STPG2: variants seen among roughly 807,000 people sequenced by gnomAD.
The protein encoded by STPG2 is sperm-tail PG-rich repeat-containing protein 2.
A neutral mutation model predicts 54.2 loss-of-function variants in STPG2; 56 were observed. That is an observed-to-expected ratio of 1.03 (90% CI 0.83 to 1.29). The LOEUF (loss-of-function observed/expected upper bound fraction) is 1.29. Ranked by LOEUF, STPG2 falls within the 50% of genes most tolerant of loss-of-function variation. STPG2 has a pLI of 0.00. For missense variants in STPG2, 596 were observed against 544.9 expected (o/e 1.09, Z -0.93); for synonymous variants, 200 against 181.8 (o/e 1.10, Z -0.81).
intron 9 of STPG2, among the ~76,000 whole-genome samples, chr4:97,837,450 A>G (rs1485133294): frequency 6.6e-6 from 1 of 151,728 alleles, no homozygotes; most frequent in East Asian, 1.9e-4. Context: ...GTGAGAGATA[A>G]AGTGATGCTT....
intron 10 of STPG2, among the ~76,000 whole-genome samples, chr4:97,604,037 C>T (rs762516348): frequency 6.6e-6 from 1 of 151,614 alleles, no homozygotes; most frequent in Non-Finnish European, 1.5e-5. Context: ...ATATACTCTC[C>T]ATTTCTGAAA....
intron 9 of STPG2, among the ~76,000 whole-genome samples, chr4:97,777,367 A>T (rs1269187514): frequency 6.6e-6 from 1 of 152,200 alleles, no homozygotes; most frequent in Non-Finnish European, 1.5e-5. Flanking sequence ...TCTTATTCTG[A>T]TGCGACTTTA....
chr4:97,940,122 T>C (rs1414900575), intron 8 of STPG2, among the ~76,000 whole-genome samples: 1 of 151,654 alleles, frequency 6.6e-6, no homozygotes, highest in Non-Finnish European at 1.5e-5. Context: ...AAGTTGAATA[T>C]AGGCCCCCAG....
intron 3 of STPG2, among the ~76,000 whole-genome samples, chr4:98,119,567 T>G (rs1739616991): frequency 6.6e-6 from 1 of 152,140 alleles, no homozygotes; most frequent in Non-Finnish European, 1.5e-5. Context: ...TGAAATGCCC[T>G]GATTTTGATA....
intron 6 of STPG2, among the ~76,000 whole-genome samples, chr4:97,977,158 C>T (rs1220177713): frequency 6.6e-6 from 1 of 152,164 alleles, no homozygotes; most frequent in Non-Finnish European, 1.5e-5. Context: ...CACTATTGAT[C>T]TTCATTATAG....
intron 3 of STPG2, among the ~76,000 whole-genome samples, chr4:98,121,824 C>A (rs1232369815): frequency 6.6e-6 from 1 of 152,050 alleles, no homozygotes; most frequent in African/African-American, 2.4e-5. Flanking sequence ...AGGGTTCAAG[C>A]AATTCTGCTG....
intron 3 of STPG2, among the ~76,000 whole-genome samples, chr4:98,110,911 G>A (rs749232444): frequency 3.3e-5 from 5 of 151,556 alleles, no homozygotes; most frequent in African/African-American, 7.3e-5. Flanking sequence ...AGTGACAAAA[G>A]CATAATTTCA....
intron 9 of STPG2, among the ~76,000 whole-genome samples, chr4:97,726,569 G>A (rs1332613476): frequency 2.0e-5 from 3 of 151,872 alleles, no homozygotes; most frequent in Non-Finnish European, 4.4e-5. Flanking sequence ...ATGCAGAAGT[G>A]GAAATCCAAG....
At chr4:97,540,315 T>A (rs1179051931) in intron 4 of STPG2, among the ~76,000 whole-genome samples, 1 of 152,076 alleles carries the variant, frequency 6.6e-6, no homozygotes, top group African/African-American at 2.4e-5. Flanking sequence ...CCCACAGACA[T>A]ACAAACTACC....
Position 97,713,086 on chromosome 4 carries a change from C to A in STPG2, c.1205-272G>T, listed in dbSNP as rs76578780. On this transcript the variant is annotated intron_variant, in intron 9 of 10. Coordinates refer to ENST00000295268, the MANE Select transcript of STPG2 (RefSeq NM_174952.3). ...GTACTCCCTCAATATACTTTTATAT[C>A]ATGAATGAAGATGCTTAACTCTTAT... Among the ~76,000 whole-genome samples, 311 of 152,234 alleles carry A rather than the reference C, an allele frequency of 2.0e-3. 19 individuals are homozygous for A. In the East Asian group the frequency reaches 0.048, roughly 23 times the overall value.
At chr4:97,597,116 G>A (rs2148902931) in intron 10 of STPG2, among the ~76,000 whole-genome samples, 2 of 152,184 alleles carry the variant, frequency 1.3e-5, no homozygotes, top group South Asian at 4.1e-4. Context: ...AGAATTCTGA[G>A]ATTACTACGA....
chr4:98,084,224 T>C (rs538475120), intron 5 of STPG2, among the ~76,000 whole-genome samples: 4 of 152,318 alleles, frequency 2.6e-5, no homozygotes, highest in South Asian at 4.1e-4. Context: ...CTGATTTCTT[T>C]TGCTCAAGAG....
At chr4:97,518,651 C>A (rs951859154) in intron 4 of STPG2, among the ~76,000 whole-genome samples, 1 of 151,928 alleles carries the variant, frequency 6.6e-6, no homozygotes, top group Non-Finnish European at 1.5e-5. Context: ...CCATTCAGGG[C>A]GACAAAAATT....
At chr4:98,098,797 A>T (rs1195521129) in intron 5 of STPG2, among the ~76,000 whole-genome samples, 3 of 152,196 alleles carry the variant, frequency 2.0e-5, no homozygotes, top group Non-Finnish European at 4.4e-5. Flanking sequence ...AATCCAATTT[A>T]AAAATGGGCA....
In STPG2 at chr4:97,559,032, T is replaced by G. The variant is rs1206910282; in HGVS notation, c.*26A>C. On this transcript the variant is annotated 3_prime_UTR_variant, in exon 11 of 11. Coordinates refer to ENST00000295268, the MANE Select transcript of STPG2 (RefSeq NM_174952.3). Reference sequence around the variant, plus strand: ...ATAAACTGACTTCCATGAAGTTGTTTTTTAAGTTTTTGCCATAAATTTATG... The same window carrying G: ...ATAAACTGACTTCCATGAAGTTGTTGTTTAAGTTTTTGCCATAAATTTATG... The G allele has an allele frequency of 6.4e-7, 1 of 1,563,920 alleles. No homozygotes were observed. The highest frequency in any genetic ancestry group is 8.7e-7 in the Non-Finnish European group (1 of 1,150,642).
intron 4 of STPG2, among the ~76,000 whole-genome samples, chr4:97,540,868 C>A (rs989544618): frequency 1.3e-5 from 2 of 152,076 alleles, no homozygotes; most frequent in Non-Finnish European, 2.9e-5. Flanking sequence ...AAGAGAAAAA[C>A]CACATGATTA....
At chr4:97,675,699 G>T (rs143881716) in intron 10 of STPG2, among the ~76,000 whole-genome samples, 1 of 151,382 alleles carries the variant, frequency 6.6e-6, no homozygotes, top group Non-Finnish European at 1.5e-5. Context: ...GTGTGCGCGC[G>T]CGTGCTTTAT....
intron 7 of STPG2, among the ~76,000 whole-genome samples, chr4:97,971,945 A>C (rs1216168833): frequency 1.3e-5 from 2 of 152,144 alleles, no homozygotes; most frequent in Non-Finnish European, 2.9e-5. Context: ...TCTCTATATT[A>C]AGCATCTTCA....
chr4:98,135,683 A>G (rs1346643400), intron 1 of STPG2, among the ~76,000 whole-genome samples: 1 of 151,718 alleles, frequency 6.6e-6, no homozygotes, highest in Non-Finnish European at 1.5e-5. Context: ...AGGGAAAGGT[A>G]AAAGGAAGGG....
Sources: allele counts gnomAD v4.1 joint callset (sites outside exome capture counted in the v4.1 genomes callset), GRCh38; gene constraint gnomAD v4.1.1; transcripts MANE v1.5; gene names NCBI Gene and HGNC (gene_info 2026-07-23, HGNC 2026-07-21).